Variants in SYT16 observed in about 807,000 individuals in gnomAD.
SYT16 encodes the protein synaptotagmin 16.
A neutral mutation model predicts 61.4 loss-of-function variants in SYT16; 42 were observed. The observed-to-expected ratio is 0.68, with a 90% CI of 0.53 to 0.89. SYT16 has a LOEUF of 0.89. Among genes scored for constraint, SYT16 ranks in the 40% least tolerant of loss-of-function variants. SYT16 has a pLI of 0.00. For synonymous variants in SYT16, 314 were observed against 302.3 expected (o/e 1.04, Z -0.40); for missense variants, 804 against 807.3 (o/e 1.00, Z 0.05).
Position 62,055,901 on chromosome 14 carries a change from C to T in SYT16, c.524-13702C>T, listed in dbSNP as rs114895351. Among the ~76,000 whole-genome samples, 402 of 152,262 alleles carry T rather than the reference C, an allele frequency of 2.6e-3. 2 individuals are homozygous for T. The highest frequency in any genetic ancestry group is 9.3e-3 in the African/African-American group (385 of 41,568). On this transcript the variant is annotated intron_variant, in intron 3 of 7. Coordinates refer to ENST00000683842, the MANE Select transcript of SYT16 (RefSeq NM_001367656.1). ...TCCCAAAACCTCAAAAGTGGTGAAG[C>T]CGACAGAGCAGCCTCAGTCTGTGGT... is the stretch of plus-strand genomic sequence containing the variant.
chr14:62,075,047 A>G, intron 4 of SYT16, 88 bp from the exon 5 acceptor site: 5 of 1,418,158 alleles, frequency 3.5e-6, no homozygotes, highest in Non-Finnish European at 3.8e-6. Flanking sequence ...TGCAATCTTG[A>G]TTGTTGTGAC....
At chr14:62,063,880 C>T (rs753156132) in intron 3 of SYT16, among the ~76,000 whole-genome samples, 6 of 152,082 alleles carry the variant, frequency 3.9e-5, no homozygotes, top group African/African-American at 1.2e-4. Context: ...ATGAAGGTGC[C>T]GGAGTACATG....
intron 3 of SYT16, among the ~76,000 whole-genome samples, chr14:62,018,417 C>T (rs565101397): frequency 8.4e-4 from 123 of 146,928 alleles, no homozygotes; most frequent in African/African-American, 2.9e-3. Flanking sequence ...AAGCGATTCT[C>T]CTACCTCAGC....
intron 1 of SYT16, among the ~76,000 whole-genome samples, chr14:61,852,982 G>A (rs1169869503): frequency 6.6e-6 from 1 of 152,138 alleles, no homozygotes; most frequent in Non-Finnish European, 1.5e-5. Context: ...GCAGGGGCGT[G>A]ATCTTGGCTT....
chr14:61,977,256 C>A (rs183186017), intron 2 of SYT16, among the ~76,000 whole-genome samples: 100 of 152,350 alleles, frequency 6.6e-4, no homozygotes, highest in African/African-American at 2.4e-3. Context: ...TCCAAAGTTG[C>A]TTCCACATTT....
intron 1 of SYT16, among the ~76,000 whole-genome samples, chr14:61,868,252 A>G (rs1055801366): frequency 4.6e-5 from 7 of 151,716 alleles, no homozygotes; most frequent in African/African-American, 7.3e-5. Context: ...AATCAGTGTG[A>G]TTAGAGGTTT....
At position 62,108,429 on chromosome 14, in the gene SYT16, A is replaced by G. The variant is rs576495917; in HGVS notation, c.*7722A>G. 1 of 152,338 alleles carries G rather than the reference A, an allele frequency of 6.6e-6. No homozygotes were observed. Among genetic ancestry groups the G allele is most frequent in the South Asian group, 2.1e-4 (1 of 4,826 alleles). The allele number at this position is 152,338 out of a possible 1,614,324, so 9.4% of individuals were successfully genotyped here. On this transcript the variant is annotated 3_prime_UTR_variant, in exon 8 of 8. Coordinates refer to ENST00000683842, the MANE Select transcript of SYT16 (RefSeq NM_001367656.1). ...TGCCAGTAAAAACTCTGATTAAGTG[A>G]GGAACATGTACATTAAAAGATATTT...
At chr14:61,830,291 A>G (rs2045899132) in intron 1 of SYT16, among the ~76,000 whole-genome samples, 1 of 152,216 alleles carries the variant, frequency 6.6e-6, no homozygotes, top group Admixed American at 6.5e-5. Context: ...TTTGATGAAT[A>G]ACTTTGGATT....
chr14:61,980,949 T>C (rs530330071), intron 2 of SYT16, among the ~76,000 whole-genome samples: 1 of 117,066 alleles, frequency 8.5e-6, no homozygotes, highest in East Asian at 3.3e-4. Context: ...ACATTGTGTG[T>C]GTGTGTGTGT....
At chr14:62,025,730 T>TG (rs938467133) in intron 3 of SYT16, among the ~76,000 whole-genome samples, 1 of 152,144 alleles carries the variant, frequency 6.6e-6, no homozygotes, top group Non-Finnish European at 1.5e-5. Flanking sequence ...TGTTTCATTT[T>TG]GGGGGGTGCT....
intron 7 of SYT16, among the ~76,000 whole-genome samples, chr14:62,094,702 T>A (rs1416875573): frequency 6.6e-6 from 1 of 152,060 alleles, no homozygotes; most frequent in Non-Finnish European, 1.5e-5. Context: ...ATTCTAGGTA[T>A]GTTTGATCAG....
intron 3 of SYT16, among the ~76,000 whole-genome samples, chr14:62,052,864 C>A (rs2055371365): frequency 6.6e-6 from 1 of 152,192 alleles, no homozygotes; most frequent in Non-Finnish European, 1.5e-5. Flanking sequence ...TTTCAGATTT[C>A]TAGCCTCAAG....
intron 1 of SYT16, among the ~76,000 whole-genome samples, chr14:61,821,706 T>C (rs1360655879): frequency 6.6e-6 from 1 of 152,226 alleles, no homozygotes; most frequent in Non-Finnish European, 1.5e-5. Flanking sequence ...CCATCACCTT[T>C]GCTGTATTCT....
At chr14:61,992,498 T>C (rs1481277254) in intron 2 of SYT16, among the ~76,000 whole-genome samples, 2 of 152,098 alleles carry the variant, frequency 1.3e-5, no homozygotes, top group African/African-American at 4.8e-5. Flanking sequence ...TAGCCACCGA[T>C]CTGAAGCCCC....
At chr14:62,089,257 T>C (rs1378072536) in intron 7 of SYT16, among the ~76,000 whole-genome samples, 1 of 151,352 alleles carries the variant, frequency 6.6e-6, no homozygotes, top group Non-Finnish European at 1.5e-5. Flanking sequence ...AGGTTGAGGT[T>C]GCAGTGTGCC....
chr14:61,913,288 T>A (rs902751797), intron 1 of SYT16, among the ~76,000 whole-genome samples: 18 of 152,148 alleles, frequency 1.2e-4, no homozygotes, highest in African/African-American at 4.3e-4. Flanking sequence ...CTGCACCCGA[T>A]ATTTGTGGAA....
chr14:62,075,868 A>G (rs1209592484), intron 5 of SYT16, among the ~76,000 whole-genome samples: 1 of 152,216 alleles, frequency 6.6e-6, no homozygotes, highest in Non-Finnish European at 1.5e-5. Flanking sequence ...TGGCCTTCCA[A>G]GTGAAATTAT....
chr14:62,054,116 A>G (rs1434292985), intron 3 of SYT16, among the ~76,000 whole-genome samples: 2 of 152,208 alleles, frequency 1.3e-5, no homozygotes, highest in Admixed American at 1.3e-4. Context: ...TCTTGTCAGC[A>G]TGTGTGTGAT....
At chr14:61,993,946 C>T (rs990497399) in intron 2 of SYT16, among the ~76,000 whole-genome samples, 2 of 152,150 alleles carry the variant, frequency 1.3e-5, no homozygotes, top group African/African-American at 4.8e-5. Context: ...CCCTGCCATC[C>T]AGGGAGCCTC....
Sources: gnomAD v4.1 joint callset for allele counts (sites outside exome capture counted in the v4.1 genomes callset) on GRCh38, gnomAD v4.1.1 for gene constraint, MANE v1.5 for transcripts, NCBI Gene and HGNC (gene_info 2026-07-23, HGNC 2026-07-21) for gene names.